Variants in KATNBL1 observed in about 807,000 individuals in gnomAD.
KATNBL1 encodes the protein KATNB1-like protein 1.
A neutral mutation model predicts 44.7 loss-of-function variants in KATNBL1; 28 were observed. The ratio of observed to expected loss-of-function variants is 0.63; its 90% CI spans 0.46 to 0.86. KATNBL1 has a LOEUF of 0.86. KATNBL1 is among the 40% of genes least tolerant of loss of function. The pLI is 0.00. For missense variants in KATNBL1, 272 were observed against 350.7 expected, an observed-to-expected ratio of 0.78 and a Z score of 1.79; for synonymous variants, 78 against 114.9, an observed-to-expected ratio of 0.68 and a Z score of 2.06.
chr15:34,208,884 C>CTATAATTAA (rs1213973068), intron 1 of KATNBL1: 3 of 152,188 alleles, frequency 2.0e-5, no homozygotes, highest in Admixed American at 6.5e-5. Context: ...AAGCGTGGAG[C>CTATAATTAA]CAGCCTGCTC....
At chr15:34,148,389 C>A in intron 5 of KATNBL1, 1 of 277,332 alleles carries the variant, frequency 3.6e-6, no homozygotes, top group Non-Finnish European at 6.9e-6. Context: ...AGTTCGAGAC[C>A]AGCCCGGGAA....
chr15:34,145,076 T>G, intron 9 of KATNBL1: 1 of 1,027,358 alleles, frequency 9.7e-7, no homozygotes, highest in African/African-American at 1.7e-5. Context: ...CCTGAGTTCC[T>G]CGTCTTGTTT....
At chr15:34,199,829 ACGGAAAGAACAAAGT>A (rs1435068159) in intron 1 of KATNBL1, 1 of 306 alleles carries the variant, frequency 3.3e-3, no homozygotes, top group Non-Finnish European at 0.038. Flanking sequence ...TATTGTGAAG[ACGGAAAGAACAAAGT>A]ACGGAAAGAA....
intron 1 of KATNBL1, among the ~76,000 whole-genome samples, chr15:34,183,576 A>G (rs556388019): frequency 6.6e-6 from 1 of 152,356 alleles, no homozygotes; most frequent in South Asian, 2.1e-4. Flanking sequence ...TTATGTATTT[A>G]CCTTGCCTCA....
intron 1 of KATNBL1, among the ~76,000 whole-genome samples, chr15:34,203,767 A>C (rs1441135941): frequency 2.0e-5 from 3 of 152,106 alleles, no homozygotes; most frequent in Non-Finnish European, 4.4e-5. Flanking sequence ...AGCTCACTGC[A>C]ACTAACTCAA....
At chr15:34,188,137 TAAAAAAA>T (rs1201268078) in intron 1 of KATNBL1, among the ~76,000 whole-genome samples, 78 of 22,096 alleles carry the variant, frequency 3.5e-3, no homozygotes, top group Admixed American at 0.014. Flanking sequence ...AGACGCCATG[TAAAAAAA>T]AAAAAAAAAA....
At chr15:34,187,809 A>G (rs1181276792) in intron 1 of KATNBL1, among the ~76,000 whole-genome samples, 4 of 152,160 alleles carry the variant, frequency 2.6e-5, no homozygotes, top group African/African-American at 7.2e-5. Flanking sequence ...TTCTTACTGA[A>G]CTTATGCAAA....
intron 2 of KATNBL1, among the ~76,000 whole-genome samples, chr15:34,160,622 T>G (rs1445318738): frequency 6.6e-6 from 1 of 152,212 alleles, no homozygotes; most frequent in Non-Finnish European, 1.5e-5. Flanking sequence ...CTTTTTATTA[T>G]CATTTCTCTA....
At chr15:34,171,239 G>GA (rs957000772) in intron 1 of KATNBL1, among the ~76,000 whole-genome samples, 20 of 152,034 alleles carry the variant, frequency 1.3e-4, no homozygotes, top group African/African-American at 4.3e-4. Context: ...AAATTGTCAA[G>GA]AAAAAAACAA....
chr15:34,142,874 G>A (rs1030687466), intron 9 of KATNBL1: 1 of 336,790 alleles, frequency 3.0e-6, no homozygotes, highest in Non-Finnish European at 5.7e-6. Context: ...ACCACGCCCG[G>A]CTAATTTTTT....
rs561878123 is a variant in KATNBL1 at position 34,144,657 on chromosome 15, G to A, written c.882+741C>T. On this transcript the variant is annotated intron_variant, in intron 9 of 9. Coordinates refer to ENST00000256544, the MANE Select transcript of KATNBL1 (RefSeq NM_024713.3). Reference sequence around the variant, plus strand: ...ACGATCTCAGCTCACCACAACCTCCGCCTCCCAGGTTCAAGTGATTCTCCT... The same window carrying A: ...ACGATCTCAGCTCACCACAACCTCCACCTCCCAGGTTCAAGTGATTCTCCT... Among the ~76,000 whole-genome samples the A allele has an allele frequency of 2.0e-5, 3 of 150,446 alleles. No individual in the cohort carries two copies. In the East Asian group the frequency reaches 5.9e-4, roughly 29 times the overall value.
At chr15:34,154,970 G>A (rs117188939) in intron 2 of KATNBL1, 20 of 399,152 alleles carry the variant, frequency 5.0e-5, no homozygotes, top group South Asian at 2.6e-4. Flanking sequence ...GCAGAGTGGC[G>A]GGGTGAGCAG....
intron 2 of KATNBL1, among the ~76,000 whole-genome samples, chr15:34,162,394 C>T (rs566092956): frequency 1.1e-4 from 16 of 152,250 alleles, no homozygotes; most frequent in African/African-American, 2.4e-4. Context: ...TTTTGCCTTC[C>T]GACATGATTG....
chr15:34,182,759 CTACATAT>C (rs1889605792), intron 1 of KATNBL1, among the ~76,000 whole-genome samples: 1 of 152,064 alleles, frequency 6.6e-6, no homozygotes, highest in Non-Finnish European at 1.5e-5. Flanking sequence ...ATTCGAAAGG[CTACATAT>C]TACATAACTT....
chr15:34,181,815 C>T (rs8039431), intron 1 of KATNBL1, among the ~76,000 whole-genome samples: 59,085 of 69,060 alleles, frequency 0.86, 26,014 homozygotes, highest in East Asian at 0.98. Flanking sequence ...TACATATATA[C>T]ATGTCCATAT....
At chr15:34,173,175 G>C (rs1215561643) in intron 1 of KATNBL1, among the ~76,000 whole-genome samples, 1 of 151,390 alleles carries the variant, frequency 6.6e-6, no homozygotes, top group Non-Finnish European at 1.5e-5. Flanking sequence ...ATTTTAGAAA[G>C]AGTACAAGAC....
chr15:34,163,263 T>TG (rs887183993), intron 2 of KATNBL1, among the ~76,000 whole-genome samples: 1 of 151,816 alleles, frequency 6.6e-6, no homozygotes, highest in African/African-American at 2.4e-5. Flanking sequence ...AGGCTAGTCT[T>TG]GAACTCCTGA....
chr15:34,193,672 T>C (rs1889950808), intron 1 of KATNBL1, among the ~76,000 whole-genome samples: 1 of 150,986 alleles, frequency 6.6e-6, no homozygotes, highest in East Asian at 2.0e-4. Flanking sequence ...GGCAACGTGG[T>C]GAAACCCTGT....
Position 34,141,774 on chromosome 15 carries a change from CTTA to C in KATNBL1, c.*562_*564del, listed in dbSNP as rs1386383606. The C allele has an allele frequency of 2.0e-5, 3 of 152,418 alleles. No homozygotes were observed. Among genetic ancestry groups the C allele is most frequent in the Non-Finnish European group, 4.4e-5 (3 of 67,980 alleles). 9.4% of individuals were successfully genotyped at this position (152,418 alleles called of 1,614,324 possible). ...AGATATTGGTATCATAACACATTGG[CTTA>C]TTAATAATTAAGGCATTTTACATAC... On this transcript the variant is annotated 3_prime_UTR_variant, in exon 10 of 10. Transcript: ENST00000256544.
Sources: allele counts gnomAD v4.1 joint callset (sites outside exome capture counted in the v4.1 genomes callset), GRCh38; gene constraint gnomAD v4.1.1; transcripts MANE v1.5; gene names NCBI Gene and HGNC (gene_info 2026-07-23, HGNC 2026-07-21).